Variants in CNTN5 observed in about 807,000 individuals in gnomAD.
CNTN5 encodes the protein contactin 5.
Under a neutral mutation model 129.1 loss-of-function variants are expected in CNTN5, and 77 were observed. The observed-to-expected ratio is 0.60, with a 90% CI of 0.50 to 0.72. The LOEUF is 0.72. Ranked by LOEUF, CNTN5 falls within the 30% of genes least tolerant of loss-of-function variation. The probability of loss-of-function intolerance (pLI) is 0.00; values close to 1 mark genes in which losing one functional copy is unlikely to be tolerated. For missense variants in CNTN5, 1,478 were observed against 1,328.8 expected (o/e 1.11, Z -1.75); for synonymous variants, 509 against 465.6 (o/e 1.09, Z -1.20).
At chr11:99,385,975 A>T (rs1426753786) in intron 2 of CNTN5, among the ~76,000 whole-genome samples, 1 of 152,182 alleles carries the variant, frequency 6.6e-6, no homozygotes, top group Non-Finnish European at 1.5e-5. Context: ...GAAATTTATG[A>T]CCTGGAGTCC....
chr11:99,850,869 A>T (rs573932898), intron 6 of CNTN5, among the ~76,000 whole-genome samples: 2 of 152,238 alleles, frequency 1.3e-5, no homozygotes, highest in African/African-American at 4.8e-5. Context: ...TTTCATAAAA[A>T]TTTTTTGTTT....
intron 3 of CNTN5, among the ~76,000 whole-genome samples, chr11:99,698,985 A>G (rs1015608617): frequency 6.6e-6 from 1 of 151,410 alleles, no homozygotes. Flanking sequence ...CATAAAAATT[A>G]AAACTTTTTT....
intron 2 of CNTN5, among the ~76,000 whole-genome samples, chr11:99,351,016 G>T (rs1197559779): frequency 6.6e-6 from 1 of 152,020 alleles, no homozygotes; most frequent in East Asian, 1.9e-4. Context: ...ACCAAGGCCT[G>T]TGGGGGTGGG....
At chr11:99,799,533 A>G (rs983306380) in intron 3 of CNTN5, among the ~76,000 whole-genome samples, 2 of 151,792 alleles carry the variant, frequency 1.3e-5, no homozygotes, top group African/African-American at 4.8e-5. Flanking sequence ...AATTCTGTTC[A>G]TGTGGTGAAC....
At chr11:99,898,482 T>C (rs750169690) in intron 6 of CNTN5, among the ~76,000 whole-genome samples, 1 of 152,004 alleles carries the variant, frequency 6.6e-6, no homozygotes, top group Non-Finnish European at 1.5e-5. Context: ...ATAAATAGCA[T>C]AGTTCCTGCT....
intron 1 of CNTN5, among the ~76,000 whole-genome samples, chr11:99,300,224 TC>T (rs562724536): frequency 5.1e-4 from 78 of 152,244 alleles, no homozygotes; most frequent in South Asian, 1.2e-3. Context: ...TTTCAGCTCT[TC>T]CCCCATTGAC....
At chr11:99,340,391 A>T (rs779934488) in intron 2 of CNTN5, among the ~76,000 whole-genome samples, 2 of 152,194 alleles carry the variant, frequency 1.3e-5, no homozygotes, top group Non-Finnish European at 2.9e-5. Flanking sequence ...AAAAGTAAGG[A>T]TTATAGGGAC....
intron 3 of CNTN5, among the ~76,000 whole-genome samples, chr11:99,665,615 TG>T (rs1386027727): frequency 6.6e-6 from 1 of 150,502 alleles, no homozygotes; most frequent in Non-Finnish European, 1.5e-5. Flanking sequence ...GCCTCCCAAG[TG>T]GCTGGGTTTA....
intron 2 of CNTN5, among the ~76,000 whole-genome samples, chr11:99,368,374 G>A (rs1177084243): frequency 6.6e-6 from 1 of 151,834 alleles, no homozygotes; most frequent in African/African-American, 2.4e-5. Flanking sequence ...CGGTGTGGTG[G>A]TGCTCACCTG....
In CNTN5 at chr11:99,841,245, A is replaced by C. The variant is rs189928843; in HGVS notation, c.278-3607A>C. On this transcript the variant is annotated intron_variant, in intron 4 of 24. Transcript: ENST00000524871. The stretch of plus-strand genomic sequence containing the variant: ...AAGAGATGTCTCACAAAGTATGGGC[A>C]GTAATAATAAAATATATGTTCAGAT... 1.3e-4 allele frequency among the ~76,000 whole-genome samples: 20 copies of C among 152,322 alleles called. 1 individual carries two copies. The highest frequency in any genetic ancestry group is 2.6e-4 in the Non-Finnish European group (18 of 68,016).
chr11:100,172,301 A>G (rs1947850150), intron 13 of CNTN5, among the ~76,000 whole-genome samples: 1 of 152,048 alleles, frequency 6.6e-6, no homozygotes, highest in Non-Finnish European at 1.5e-5. Context: ...AATTAATTAC[A>G]TTAAAAAAAG....
At chr11:99,790,612 G>T (rs573541127) in intron 3 of CNTN5, among the ~76,000 whole-genome samples, 1 of 152,016 alleles carries the variant, frequency 6.6e-6, no homozygotes, top group Non-Finnish European at 1.5e-5. Context: ...TTAATATTGT[G>T]AATATTGCTA....
chr11:99,812,731 AC>A (rs546081064), intron 3 of CNTN5, among the ~76,000 whole-genome samples: 39 of 152,196 alleles, frequency 2.6e-4, no homozygotes, highest in African/African-American at 4.8e-4. Flanking sequence ...AGCTAATCTC[AC>A]CCAAAAATTT....
chr11:99,515,553 G>T (rs779984329), intron 2 of CNTN5, among the ~76,000 whole-genome samples: 1 of 151,954 alleles, frequency 6.6e-6, no homozygotes, highest in Non-Finnish European at 1.5e-5. Context: ...TTAGGCCATA[G>T]AATTCACTTA....
chr11:99,030,027 A>G (rs1863290341), intron 1 of CNTN5, among the ~76,000 whole-genome samples: 1 of 152,166 alleles, frequency 6.6e-6, no homozygotes, highest in South Asian at 2.1e-4. Flanking sequence ...CACAGAAGAG[A>G]GAGAAGAGAG....
chr11:100,124,343 T>G (rs1180881066), intron 13 of CNTN5, among the ~76,000 whole-genome samples: 1 of 152,040 alleles, frequency 6.6e-6, no homozygotes, highest in Non-Finnish European at 1.5e-5. Context: ...TTTTTTTCTG[T>G]ACATAAGCAC....
intron 6 of CNTN5, among the ~76,000 whole-genome samples, chr11:99,911,083 A>G (rs1949647026): frequency 6.6e-6 from 1 of 152,084 alleles, no homozygotes; most frequent in South Asian, 2.1e-4. Context: ...TATAATATAT[A>G]TGACACTCAA....
At chr11:99,626,202 A>G (rs1171959985) in intron 3 of CNTN5, among the ~76,000 whole-genome samples, 1 of 152,156 alleles carries the variant, frequency 6.6e-6, no homozygotes, top group South Asian at 2.1e-4. Context: ...ATGGATGGGG[A>G]TTAATTCAGC....
intron 2 of CNTN5, among the ~76,000 whole-genome samples, chr11:99,376,766 G>A (rs1023712088): frequency 1.3e-5 from 2 of 152,146 alleles, no homozygotes; most frequent in Admixed American, 1.3e-4. Context: ...TTCGATGAAT[G>A]TTATAAAAAT....
Sources: gnomAD v4.1 joint callset for allele counts (sites outside exome capture counted in the v4.1 genomes callset) on GRCh38, gnomAD v4.1.1 for gene constraint, MANE v1.5 for transcripts, NCBI Gene and HGNC (gene_info 2026-07-23, HGNC 2026-07-21) for gene names.